Variants in DPP6 observed in about 807,000 individuals in gnomAD.
DPP6 encodes dipeptidyl peptidase like 6, also known as A-type potassium channel modulatory protein DPP6.
DPP6 carries 69 observed loss-of-function variants against 122.6 expected under a neutral mutation model. The ratio of observed to expected loss-of-function variants is 0.56; its 90% CI spans 0.46 to 0.69. The LOEUF is 0.69. Ranked by LOEUF, DPP6 falls within the 30% of genes least tolerant of loss-of-function variation. The probability of loss-of-function intolerance (pLI) is 0.00; values close to 1 mark genes in which losing one functional copy is unlikely to be tolerated. For missense variants in DPP6, 928 were observed against 1,116.9 expected (o/e 0.83, Z 2.41); for synonymous variants, 418 against 433.1 (o/e 0.97, Z 0.43).
chr7:154,180,495 T>C (rs1798026112), intron 1 of DPP6, among the ~76,000 whole-genome samples: 2 of 144,282 alleles, frequency 1.4e-5, no homozygotes, highest in South Asian at 2.1e-4. Context: ...TAAATAGATA[T>C]AGATATATAA....
At chr7:154,463,246 C>T (rs1186850444) in intron 2 of DPP6, among the ~76,000 whole-genome samples, 15 of 120,786 alleles carry the variant, frequency 1.2e-4, no homozygotes, top group Admixed American at 3.1e-4. Flanking sequence ...CTCGCTCTGT[C>T]GCCCAGGCTG....
chr7:154,085,321 A>G lies in DPP6; in HGVS notation c.243+32258A>G, dbSNP rs139345041. On this transcript the variant is annotated intron_variant, in intron 1 of 25. Coordinates refer to ENST00000377770, the MANE Select transcript of DPP6 (RefSeq NM_130797.4). ...GCTTTTCCGGACATTCTGCAGTAAT[A>G]TCTACCTCATCTGAACTGAAAACTC... Among the ~76,000 whole-genome samples, 709 of 152,244 alleles carry G rather than the reference A, an allele frequency of 4.7e-3. 19 individuals are homozygous for G. The highest frequency in any genetic ancestry group is 0.04 in the East Asian group (208 of 5,154).
chr7:154,278,497 C>T (rs1804283705), intron 1 of DPP6, among the ~76,000 whole-genome samples: 1 of 152,202 alleles, frequency 6.6e-6, no homozygotes, highest in Non-Finnish European at 1.5e-5. Flanking sequence ...GAAGCATGTA[C>T]ATCATATCTA....
intron 1 of DPP6, among the ~76,000 whole-genome samples, chr7:153,975,313 T>C (rs1247563213): frequency 6.6e-6 from 1 of 151,502 alleles, no homozygotes; most frequent in Non-Finnish European, 1.5e-5. Context: ...GCCCTGGGGA[T>C]AGATCGTTAG....
At chr7:154,031,478 T>C (rs1488365187) in intron 1 of DPP6, among the ~76,000 whole-genome samples, 1 of 151,984 alleles carries the variant, frequency 6.6e-6, no homozygotes, top group Non-Finnish European at 1.5e-5. Flanking sequence ...AGTTTTGGCA[T>C]TACCTGTGAC....
intron 1 of DPP6, among the ~76,000 whole-genome samples, chr7:154,186,134 C>T (rs1798342826): frequency 6.6e-6 from 1 of 152,164 alleles, no homozygotes; most frequent in African/African-American, 2.4e-5. Context: ...TCTGAGATTT[C>T]ATCCGAACAG....
intron 1 of DPP6, among the ~76,000 whole-genome samples, chr7:154,043,379 ATG>A (rs1799859032): frequency 8.9e-6 from 1 of 112,924 alleles, no homozygotes; most frequent in Non-Finnish European, 1.8e-5. Context: ...GGTAAAAAGA[ATG>A]AAACTCCATC....
At chr7:154,290,463 C>T (rs562565098) in intron 1 of DPP6, among the ~76,000 whole-genome samples, 21 of 150,898 alleles carry the variant, frequency 1.4e-4, no homozygotes, top group African/African-American at 4.4e-4. Flanking sequence ...TCTGAGCCTT[C>T]GCCCTGCTCC....
At chr7:154,876,721 T>C (rs1216186126) in intron 20 of DPP6, 1 of 152,230 alleles carries the variant, frequency 6.6e-6, no homozygotes, top group Non-Finnish European at 1.5e-5. Context: ...TTGAATCTTA[T>C]TGTTGCACTG....
chr7:154,395,946 GTTTTT>G (rs34530908), intron 1 of DPP6, among the ~76,000 whole-genome samples: 53 of 145,488 alleles, frequency 3.6e-4, no homozygotes, highest in Non-Finnish European at 6.0e-4. Flanking sequence ...AATTTCTTGA[GTTTTT>G]TTTTTTTTTA....
chr7:154,448,902 A>G (rs548523262), intron 2 of DPP6, among the ~76,000 whole-genome samples: 2 of 152,348 alleles, frequency 1.3e-5, no homozygotes, highest in East Asian at 3.9e-4. Flanking sequence ...AACTCGTACC[A>G]TATACAAAGA....
At chr7:154,559,639 C>T (rs940371427) in intron 4 of DPP6, among the ~76,000 whole-genome samples, 1 of 152,028 alleles carries the variant, frequency 6.6e-6, no homozygotes, top group African/African-American at 2.4e-5. Flanking sequence ...CCTAAGAAAA[C>T]AGCTGACTCT....
chr7:154,828,202 A>G (rs958980349), intron 16 of DPP6, among the ~76,000 whole-genome samples: 2 of 152,214 alleles, frequency 1.3e-5, no homozygotes, highest in Non-Finnish European at 2.9e-5. Flanking sequence ...CACAGCCCCA[A>G]GAGCATTTGG....
At chr7:154,063,873 A>G (rs1802486109) in intron 1 of DPP6, among the ~76,000 whole-genome samples, 1 of 151,538 alleles carries the variant, frequency 6.6e-6, no homozygotes, top group Non-Finnish European at 1.5e-5. Flanking sequence ...AATAAAAAAG[A>G]CAGTGAAGGA....
intron 12 of DPP6, among the ~76,000 whole-genome samples, chr7:154,801,113 T>G (rs1364409029): frequency 6.6e-6 from 1 of 152,092 alleles, no homozygotes; most frequent in African/African-American, 2.4e-5. Context: ...GGATGCCTTT[T>G]TATTTGCCAC....
At chr7:154,036,340 C>T (rs1437463234) in intron 1 of DPP6, among the ~76,000 whole-genome samples, 1 of 147,812 alleles carries the variant, frequency 6.8e-6, no homozygotes, top group African/African-American at 2.5e-5. Flanking sequence ...AGGCTGGTCT[C>T]GAACTCCTGA....
chr7:153,831,384 A>G, the DPP6 span, among the ~76,000 whole-genome samples: 50 of 152,238 alleles, frequency 3.3e-4, no homozygotes, highest in African/African-American at 1.2e-3. Flanking sequence ...GCCAGCAAAG[A>G]CCTCTCAGAG....
chr7:153,948,940 A>C (rs1458989404), intron 1 of DPP6, among the ~76,000 whole-genome samples: 1 of 151,988 alleles, frequency 6.6e-6, no homozygotes, highest in Non-Finnish European at 1.5e-5. Flanking sequence ...AATATGAAAC[A>C]AAAGACGTGT....
At chr7:154,487,661 A>G (rs1823914624) in intron 3 of DPP6, among the ~76,000 whole-genome samples, 1 of 152,196 alleles carries the variant, frequency 6.6e-6, no homozygotes, top group African/African-American at 2.4e-5. Context: ...CGCATTCAGA[A>G]GACCCATTAA....
Sources: gnomAD v4.1 joint callset for allele counts (sites outside exome capture counted in the v4.1 genomes callset) on GRCh38, gnomAD v4.1.1 for gene constraint, MANE v1.5 for transcripts, NCBI Gene and HGNC (gene_info 2026-07-23, HGNC 2026-07-21) for gene names.